The following SYDE2 variants were observed in gnomAD, a reference collection of about 807,000 sequenced individuals.
SYDE2 encodes synapse defective Rho GTPase homolog 2, also known as rho GTPase-activating protein SYDE2.
Under a neutral mutation model 91.5 loss-of-function variants are expected in SYDE2, and 76 were observed. The ratio of observed to expected loss-of-function variants is 0.83; its 90% CI spans 0.69 to 1.01. The LOEUF is 1.01. SYDE2 is among the 50% of genes least tolerant of loss of function. The pLI is 0.00. For synonymous variants in SYDE2, 513 were observed against 506.4 expected (o/e 1.01, Z -0.18); for missense variants, 1,364 against 1,367.7 (o/e 1.00, Z 0.04).
Position 85,158,731 on chromosome 1 carries a change from CA to C in SYDE2, c.*18del, listed in dbSNP as rs766344354. ...ACAGATTTGAAACTTTAAGACATTACAAAAAAAAACCCTCAATCTCAAAAAC... is the reference window on the plus strand; with the variant it reads ...ACAGATTTGAAACTTTAAGACATTACAAAAAAAACCCTCAATCTCAAAAAC... On this transcript the variant is annotated 3_prime_UTR_variant, in exon 7 of 7. Transcript: ENST00000341460. 100 of 693,920 alleles carry C rather than the reference CA, an allele frequency of 1.4e-4. No individual in the cohort carries two copies. The highest frequency in any genetic ancestry group is 2.6e-4 in the South Asian group (16 of 60,780). The allele number at this position is 693,920 out of a possible 1,614,324, so 43.0% of individuals were successfully genotyped here. A position where few individuals can be genotyped will look rare whatever the true frequency, so the allele number is the denominator to read the frequency against.
chr1:85,200,574 G>A lies in SYDE2; in HGVS notation c.423C>T (p.Gly141=). Residue 141 remains glycine (G), a synonymous_variant, in exon 1 of 7, where the codon GGC becomes GGT. Transcript: ENST00000341460. Reference sequence around the variant, plus strand: ...GGTCCTTGCAGCCTGGAGGCTGGAGGCCGGTGGGTGCAGCCGCCCGGGCGC... The same window carrying A: ...GGTCCTTGCAGCCTGGAGGCTGGAGACCGGTGGGTGCAGCCGCCCGGGCGC... ...GDRARAAAPT[G]LQPPGCKDHG... 1 of 1,595,170 alleles carries A rather than the reference G, an allele frequency of 6.3e-7. No individual in the cohort carries two copies. The highest frequency in any genetic ancestry group is 8.5e-7 in the Non-Finnish European group (1 of 1,173,346).
chr1:85,190,199 C>G lies in SYDE2; in HGVS notation c.1299G>C (p.Gln433His), dbSNP rs753897904. 18 of 1,613,852 alleles carry G rather than the reference C, an allele frequency of 1.1e-5. No individual in the cohort carries two copies. In the East Asian group the frequency reaches 4.0e-4, roughly 36 times the overall value. Residue 433 changes from glutamine to histidine, a missense_variant, in exon 2 of 7, where the codon CAG (glutamine) becomes CAC (histidine). Physicochemically the swap from Gln to His is conservative, Grantham distance 24. Transcript: ENST00000341460. Reference protein sequence around the residue: ...LCSSEHAGDIQTTRSNGMNPI... With the variant: ...LCSSEHAGDIHTTRSNGMNPI... ...GATTCATTCCATTTGACCGTGTGGT[C>G]TGAATATCACCTGCATGTTCGGAAG...
rs1177554734 is a variant in SYDE2 at position 85,164,603 on chromosome 1, T to A, written c.3008A>T (p.Asp1003Val). The A allele has an allele frequency of 6.2e-7, 1 of 1,608,034 alleles. No individual in the cohort carries two copies. Among genetic ancestry groups the A allele is most frequent in the South Asian group, 1.1e-5 (1 of 89,428 alleles). Residue 1003 changes from aspartate to valine, a missense_variant, in exon 6 of 7, where the codon GAT (aspartate) becomes GTT (valine). Asp to Val is a radical substitution (Grantham distance 152). Coordinates refer to ENST00000341460, the MANE Select transcript of SYDE2 (RefSeq NM_032184.2). ...PSTHNNRVFT[D>V]SEELASALDF... ...CAAAGCACTTGCAAGTTCTTCTGAA[T>A]CAGTAAAGACTCTGTTGTTATGGGT...
chr1:85,169,010 G>C, intron 5 of SYDE2, 34 bp downstream of exon 5: 1 of 1,593,938 alleles, frequency 6.3e-7, no homozygotes, highest in Non-Finnish European at 8.6e-7. Context: ...TCATTAACTG[G>C]CTTTCAGGAA....
In SYDE2 at chr1:85,175,026, G is replaced by A. The variant is rs371173661; in HGVS notation, c.2671+3120C>T. Among the ~76,000 whole-genome samples, 5 of 152,086 alleles carry A rather than the reference G, an allele frequency of 3.3e-5. 1 individual carries two copies. Among genetic ancestry groups the A allele is most frequent in the South Asian group, 4.1e-4 (2 of 4,828 alleles). On this transcript the variant is annotated intron_variant, in intron 4 of 6. Transcript: ENST00000341460. Reference sequence around the variant, plus strand: ...ATGGTAGGATTAAAATCATAAAAAGGCATGGTCAAATGAACTTTCAGGTAC... The same window carrying A: ...ATGGTAGGATTAAAATCATAAAAAGACATGGTCAAATGAACTTTCAGGTAC...
chr1:85,192,947 AGAAC>A (rs1658430025), intron 1 of SYDE2, among the ~76,000 whole-genome samples: 1 of 152,220 alleles, frequency 6.6e-6, no homozygotes, highest in South Asian at 2.1e-4. Context: ...GCTGCTGGTA[AGAAC>A]TAAGTGAAAT....
At chr1:85,155,488 T>A (rs150911833), downstream of SYDE2, among the ~76,000 whole-genome samples, 11,451 of 151,300 alleles carry the variant, frequency 0.076, 479 homozygotes, top group Middle Eastern at 0.13. Context: ...AAAGATTTTT[T>A]TTAAAAAAAA....
At chr1:85,156,692 T>A (rs1238745947), downstream of SYDE2, among the ~76,000 whole-genome samples, 1 of 152,072 alleles carries the variant, frequency 6.6e-6, no homozygotes, top group African/African-American at 2.4e-5. Context: ...TATAGTAATA[T>A]AGTAATACAA....
At chr1:85,160,657 T>C (rs993849402) in intron 6 of SYDE2, 9 of 985,310 alleles carry the variant, frequency 9.1e-6, no homozygotes, top group Non-Finnish European at 9.6e-6. Context: ...TCCTTGCTTT[T>C]CCCCCCTCAT....
At chr1:85,178,960 G>A (rs1657813142) in intron 3 of SYDE2, among the ~76,000 whole-genome samples, 1 of 151,812 alleles carries the variant, frequency 6.6e-6, no homozygotes, top group African/African-American at 2.4e-5. Context: ...AACCTACATT[G>A]AAAAGATTTG....
intron 2 of SYDE2, among the ~76,000 whole-genome samples, chr1:85,186,917 A>T (rs1442428322): frequency 6.6e-6 from 1 of 152,260 alleles, no homozygotes; most frequent in Non-Finnish European, 1.5e-5. Context: ...AAACCCTAGA[A>T]GAAAACCTAG....
intron 1 of SYDE2, among the ~76,000 whole-genome samples, chr1:85,197,068 T>C (rs766710942): frequency 1.2e-4 from 18 of 152,204 alleles, no homozygotes; most frequent in Non-Finnish European, 1.6e-4. Flanking sequence ...TTAAAACTTA[T>C]TTATAAAGAT....
chr1:85,190,422 T>G lies in SYDE2; in HGVS notation c.1076A>C (p.Asn359Thr). The change falls in exon 2 of 7, where the codon AAT (asparagine) becomes ACT (threonine). Residue 359 changes from asparagine to threonine, a missense_variant. Transcript: ENST00000341460. The part of the protein sequence containing the change: ...SLSKNCALDF[N>T]EENDADDEGE... ...TTCATCATCTGCATCATTTTCCTCATTAAAATCTAAAGCACAGTTTTTCGA... is the reference window on the plus strand; with the variant it reads ...TTCATCATCTGCATCATTTTCCTCAGTAAAATCTAAAGCACAGTTTTTCGA... The G allele has an allele frequency of 1.9e-6, 3 of 1,613,910 alleles. No individual in the cohort carries two copies. In the South Asian group the frequency reaches 3.3e-5, roughly 18 times the overall value.
Position 85,200,268 on chromosome 1 carries a change from T to C in SYDE2, c.729A>G (p.Gln243=). ...GTATCCTACCTGTCAGCGTAATTCTTTGGTCTGGAGGCACCGACAGGACAC... is the reference window on the plus strand; with the variant it reads ...GTATCCTACCTGTCAGCGTAATTCTCTGGTCTGGAGGCACCGACAGGACAC... ...ENRVLSVPPD[Q]RITLTDLFEN... is the part of the protein sequence containing the mutation. Residue 243 remains glutamine (Q), a synonymous_variant, in exon 1 of 7, where the codon CAA becomes CAG. Coordinates refer to ENST00000341460, the MANE Select transcript of SYDE2 (RefSeq NM_032184.2). 4 of 1,613,920 alleles carry C rather than the reference T, an allele frequency of 2.5e-6. No homozygotes were observed. Among genetic ancestry groups the C allele is most frequent in the Non-Finnish European group, 3.4e-6 (4 of 1,179,884 alleles).
In SYDE2 at chr1:85,180,689, CA is replaced by C. The variant is rs142525630; in HGVS notation, c.2544+1408del. 5.6e-3 allele frequency among the ~76,000 whole-genome samples: 652 copies of C among 117,258 alleles called. 1 individual carries two copies. Among genetic ancestry groups the C allele is most frequent in the African/African-American group, 9.9e-3 (333 of 33,666 alleles). The allele number at this position is 117,258 out of a possible 152,430, so 76.9% of individuals were successfully genotyped here. On this transcript the variant is annotated intron_variant, in intron 3 of 6. Coordinates refer to ENST00000341460, the MANE Select transcript of SYDE2 (RefSeq NM_032184.2). ...TGGGCGACAGAGCAAGAATCCGTCT[CA>C]AAAAAAAAAAAAAATACAGTTCTAC...
downstream of SYDE2, among the ~76,000 whole-genome samples, chr1:85,155,398 G>A (rs12065571): frequency 0.022 from 3,323 of 152,226 alleles, 102 homozygotes; most frequent in African/African-American, 0.076. Flanking sequence ...AGCACTTTGG[G>A]AGACTGAGGC....
In SYDE2 at chr1:85,200,523, G is replaced by A. The variant is rs184497601; in HGVS notation, c.474C>T (p.Phe158=). ...KDHGCSSGSP[F]RDPAGSSVIR... ...TCACAGAGGACCCCGCTGGATCCCT[G>A]AAAGGGCTTCCCGAGGAGCAGCCGT... The change falls in exon 1 of 7, where the codon TTC becomes TTT. Residue 158 remains phenylalanine, a synonymous_variant. Coordinates refer to ENST00000341460, the MANE Select transcript of SYDE2 (RefSeq NM_032184.2). 1.6e-3 allele frequency: 2,519 copies of A among 1,613,196 alleles called. 44 individuals carry two copies. In the Admixed American group the frequency reaches 0.036, roughly 23 times the overall value.
intron 2 of SYDE2, among the ~76,000 whole-genome samples, chr1:85,186,403 C>T (rs11161540): frequency 0.021 from 3,233 of 152,100 alleles, 100 homozygotes; most frequent in African/African-American, 0.074. Context: ...CTGGTAGAAT[C>T]TGGCTGTGAA....
intron 4 of SYDE2, among the ~76,000 whole-genome samples, chr1:85,171,115 A>C (rs1403674444): frequency 6.6e-6 from 1 of 152,182 alleles, no homozygotes; most frequent in African/African-American, 2.4e-5. Flanking sequence ...GAAGAGTTTC[A>C]TTTTGAACAT....
Sources: gnomAD v4.1 joint callset for allele counts (sites outside exome capture counted in the v4.1 genomes callset) on GRCh38, gnomAD v4.1.1 for gene constraint, MANE v1.5 for transcripts, NCBI Gene and HGNC (gene_info 2026-07-23, HGNC 2026-07-21) for gene names.